Variants in ADIPOR2 observed in about 807,000 individuals in gnomAD.
The protein encoded by ADIPOR2 is adiponectin receptor protein 2.
In ADIPOR2, 18 loss-of-function variants were observed where a neutral mutation model predicts 40.9. The ratio of observed to expected loss-of-function variants is 0.44; its 90% CI spans 0.30 to 0.65. The LOEUF (loss-of-function observed/expected upper bound fraction) is 0.65. Ranked by LOEUF, ADIPOR2 falls within the 30% of genes least tolerant of loss-of-function variation. ADIPOR2 has a pLI of 0.09. For missense variants in ADIPOR2, 283 were observed against 479.2 expected, an observed-to-expected ratio of 0.59 and a Z score of 3.82; for synonymous variants, 165 against 166.4, an observed-to-expected ratio of 0.99 and a Z score of 0.06.
At chr12:1,751,423 A>T (rs1229239707) in intron 1 of ADIPOR2, among the ~76,000 whole-genome samples, 2 of 152,140 alleles carry the variant, frequency 1.3e-5, no homozygotes, top group Non-Finnish European at 2.9e-5. Flanking sequence ...CTTAAAAATT[A>T]TTGGGGAACT....
intron 2 of ADIPOR2, among the ~76,000 whole-genome samples, chr12:1,767,266 C>T (rs961283147): frequency 1.4e-4 from 11 of 77,742 alleles, no homozygotes; most frequent in African/African-American, 6.7e-4. Context: ...AGCAAGACTT[C>T]GTCAAAAAAA....
rs377557099 is a variant in ADIPOR2, at chr12:1,766,207, T to C, written c.172-6635T>C. On this transcript the variant is annotated intron_variant, in intron 2 of 7. Coordinates refer to ENST00000357103, the MANE Select transcript of ADIPOR2 (RefSeq NM_024551.3). ...TAGCTAAGAAAGGACTAAAGGACAT[T>C]TTAGACAAAGGGAACAGCAGATGTG... 4.6e-5 allele frequency among the ~76,000 whole-genome samples: 7 copies of C among 152,194 alleles called. No homozygotes were observed. In the East Asian group the frequency reaches 1.3e-3, roughly 29 times the overall value.
intron 1 of ADIPOR2, among the ~76,000 whole-genome samples, chr12:1,727,614 C>T (rs2094710573): frequency 1.3e-5 from 2 of 152,136 alleles, no homozygotes; most frequent in Admixed American, 6.6e-5. Context: ...CCCAGAGCAG[C>T]AGTACCTGAG....
chr12:1,717,917 T>A (rs1378117120), intron 1 of ADIPOR2, among the ~76,000 whole-genome samples: 1 of 152,180 alleles, frequency 6.6e-6, no homozygotes, highest in Non-Finnish European at 1.5e-5. Context: ...AAGTATTTTT[T>A]AAATGATGTA....
intron 2 of ADIPOR2, among the ~76,000 whole-genome samples, chr12:1,759,417 T>C (rs1862222154): frequency 6.6e-6 from 1 of 152,210 alleles, no homozygotes; most frequent in Admixed American, 6.5e-5. Flanking sequence ...ATGCCAATCA[T>C]GAATAAGGAT....
In ADIPOR2 at chr12:1,714,874, A is replaced by G. The variant is rs143967582; in HGVS notation, c.-87+23683A>G. 4.7e-3 allele frequency among the ~76,000 whole-genome samples: 712 copies of G among 152,200 alleles called. 8 individuals carry two copies. Among genetic ancestry groups the G allele is most frequent in the African/African-American group, 0.016 (648 of 41,454 alleles). ...AGGTTGAAGGTTTGCCCTAGACCCT[A>G]TAGGACATCTATATACCTATCAGGA... On this transcript the variant is annotated intron_variant, in intron 1 of 7. Transcript: ENST00000357103.
chr12:1,780,271 C>A lies in ADIPOR2; in HGVS notation c.464-180C>A, dbSNP rs1443494676. 7 of 532,698 alleles carry A rather than the reference C, an allele frequency of 1.3e-5. No homozygotes were observed. In the African/African-American group the frequency reaches 1.4e-4, roughly 11 times the overall value. 33.0% of individuals were successfully genotyped at this position (532,698 alleles called of 1,614,324 possible). A position where few individuals can be genotyped will look rare whatever the true frequency, so the allele number is the denominator to read the frequency against. On this transcript the variant is annotated intron_variant, in intron 4 of 7. Transcript: ENST00000357103. ...TTATGAAGCTGAAGTATTTCTGATACCAACAATGTTGGAAGTAAACCACAA... is the reference window on the plus strand; with the variant it reads ...TTATGAAGCTGAAGTATTTCTGATAACAACAATGTTGGAAGTAAACCACAA...
chr12:1,707,168 A>G (rs1042024491), intron 1 of ADIPOR2, among the ~76,000 whole-genome samples: 4 of 152,114 alleles, frequency 2.6e-5, no homozygotes, highest in African/African-American at 9.7e-5. Context: ...TTGTTTCTTC[A>G]TTCACCTGAT....
chr12:1,724,172 G>C (rs138456777), intron 1 of ADIPOR2, among the ~76,000 whole-genome samples: 5 of 151,996 alleles, frequency 3.3e-5, no homozygotes, highest in Admixed American at 6.6e-5. Context: ...TAGTAGAGAC[G>C]GGGTTTCACT....
chr12:1,731,316 G>A (rs2094719807), intron 1 of ADIPOR2, among the ~76,000 whole-genome samples: 2 of 152,144 alleles, frequency 1.3e-5, no homozygotes, highest in Non-Finnish European at 2.9e-5. Flanking sequence ...GAGCCACTGT[G>A]CTGGGCCAGA....
intron 1 of ADIPOR2, among the ~76,000 whole-genome samples, chr12:1,737,888 A>G (rs1480291078): frequency 1.3e-5 from 2 of 152,114 alleles, no homozygotes; most frequent in Non-Finnish European, 2.9e-5. Flanking sequence ...TGTTCCTTGC[A>G]TATTCATGCT....
In ADIPOR2 at chr12:1,788,226, A is replaced by G. The variant is rs1862878331; in HGVS notation, c.*2154A>G. On this transcript the variant is annotated 3_prime_UTR_variant, in exon 8 of 8. Transcript: ENST00000357103. ...CCTTAGGAAAAATGAAATTAACATC[A>G]CTGATGTGTAATCCAGTAAAATCTC... is the stretch of plus-strand genomic sequence containing the variant. The G allele has an allele frequency of 6.6e-6, 1 of 152,622 alleles. No homozygotes were observed. The highest frequency in any genetic ancestry group is 6.5e-5 in the Admixed American group (1 of 15,286). The allele number at this position is 152,622 out of a possible 1,614,324, so 9.5% of individuals were successfully genotyped here.
At chr12:1,693,149 C>CT (rs2094630673) in intron 1 of ADIPOR2, among the ~76,000 whole-genome samples, 2 of 151,948 alleles carry the variant, frequency 1.3e-5, no homozygotes, top group Non-Finnish European at 2.9e-5. Context: ...GAGCGAAACT[C>CT]CGTCTTAAAA....
At chr12:1,712,237 C>T (rs548727863) in intron 1 of ADIPOR2, among the ~76,000 whole-genome samples, 76 of 152,128 alleles carry the variant, frequency 5.0e-4, no homozygotes, top group African/African-American at 1.8e-3. Flanking sequence ...CGATTGGTTC[C>T]CCATCCTCTG....
intron 1 of ADIPOR2, among the ~76,000 whole-genome samples, chr12:1,700,566 T>A (rs1286067066): frequency 6.6e-6 from 1 of 152,228 alleles, no homozygotes; most frequent in African/African-American, 2.4e-5. Context: ...AAAGCATATA[T>A]TCTTTTCCCA....
chr12:1,705,951 TTCA>T (rs1219795160), intron 1 of ADIPOR2, among the ~76,000 whole-genome samples: 4 of 152,238 alleles, frequency 2.6e-5, no homozygotes, highest in Admixed American at 2.6e-4. Context: ...CCTCAGTTTC[TTCA>T]TCTATAAAAT....
rs2094720763 is a variant in ADIPOR2, at chr12:1,731,713, C to G, written c.-86-22545C>G. Among the ~76,000 whole-genome samples the G allele has an allele frequency of 2.0e-5, 3 of 152,252 alleles. No individual in the cohort carries two copies. The South Asian group carries it at 6.2e-4, about 32-fold the overall frequency. On this transcript the variant is annotated intron_variant, in intron 1 of 7. Transcript: ENST00000357103. ...GGTGGCTCATCCCTGTAATCCCAGC[C>G]CTTTAGGAGGCCGAGCTGGGCAGAT...
At chr12:1,742,096 T>C (rs1238525363) in intron 1 of ADIPOR2, among the ~76,000 whole-genome samples, 11 of 152,126 alleles carry the variant, frequency 7.2e-5, no homozygotes, top group African/African-American at 2.7e-4. Context: ...TTTGTCACTT[T>C]TCTCTCTCTC....
rs574575430 is a variant in ADIPOR2, at chr12:1,741,115, C to G, written c.-86-13143C>G. Among the ~76,000 whole-genome samples, 4 of 152,210 alleles carry G rather than the reference C, an allele frequency of 2.6e-5. No individual in the cohort carries two copies. The East Asian group carries it at 7.7e-4, about 29-fold the overall frequency. On this transcript the variant is annotated intron_variant, in intron 1 of 7. Coordinates refer to ENST00000357103, the MANE Select transcript of ADIPOR2 (RefSeq NM_024551.3). ...GTTGGAGAGGTTGGTGGGGCAAAAT[C>G]ATTAAGGGCCTTGTGGGAATTATGG...
Sources: allele counts gnomAD v4.1 joint callset (sites outside exome capture counted in the v4.1 genomes callset), GRCh38; gene constraint gnomAD v4.1.1; transcripts MANE v1.5; gene names NCBI Gene and HGNC (gene_info 2026-07-23, HGNC 2026-07-21).